RNF150: variants seen among roughly 807,000 people sequenced by gnomAD.
RNF150 encodes the protein ring finger protein 150.
In RNF150, 24 loss-of-function variants were observed where a neutral mutation model predicts 39.3. That is an observed-to-expected ratio of 0.61 (90% CI 0.44 to 0.86). RNF150 has a LOEUF of 0.86. RNF150 is among the 40% of genes least tolerant of loss of function. The pLI is 0.00. For synonymous variants in RNF150, 255 were observed against 227.3 expected (o/e 1.12, Z -1.10); for missense variants, 502 against 587.8 (o/e 0.85, Z 1.51).
chr4:140,876,523 G>A (rs933829552), intron 6 of RNF150, among the ~76,000 whole-genome samples: 8 of 152,198 alleles, frequency 5.3e-5, no homozygotes, highest in Admixed American at 2.0e-4. Context: ...TCTCTGGACC[G>A]CTTTCCTCAG....
At chr4:140,954,092 G>A (rs1053832980) in intron 2 of RNF150, among the ~76,000 whole-genome samples, 41 of 152,194 alleles carry the variant, frequency 2.7e-4, no homozygotes, top group African/African-American at 9.9e-4. Context: ...ACCACTTCAG[G>A]TGGATTGAGG....
chr4:140,887,084 G>A (rs900225963), intron 6 of RNF150, among the ~76,000 whole-genome samples: 2 of 152,122 alleles, frequency 1.3e-5, no homozygotes, highest in Non-Finnish European at 2.9e-5. Context: ...CCTGACTGGT[G>A]TAACTCAATA....
chr4:141,055,117 A>C (rs978597659), intron 1 of RNF150, among the ~76,000 whole-genome samples: 1 of 152,182 alleles, frequency 6.6e-6, no homozygotes, highest in Admixed American at 6.5e-5. Context: ...AAAGATGGAA[A>C]GGTTTGGGAA....
rs548687078 is a variant in RNF150 at position 141,047,554 on chromosome 4, A to G, written c.485-79681T>C. Among the ~76,000 whole-genome samples, 24 of 152,314 alleles carry G rather than the reference A, an allele frequency of 1.6e-4. No individual in the cohort carries two copies. In the East Asian group the frequency reaches 2.3e-3, roughly 15 times the overall value. On this transcript the variant is annotated intron_variant, in intron 1 of 6. Transcript: ENST00000515673. The stretch of plus-strand genomic sequence containing the variant: ...GGTTATAAATCATTTTACCTTGAAA[A>G]ACAGAAAATGGAGGCCAAATAAAAA...
At chr4:141,119,717 C>G (rs1726549161) in intron 1 of RNF150, among the ~76,000 whole-genome samples, 1 of 152,202 alleles carries the variant, frequency 6.6e-6, no homozygotes, top group African/African-American at 2.4e-5. Context: ...CCCACCATCC[C>G]TGAACAGAAG....
chr4:140,929,405 C>CG (rs1731530224), intron 4 of RNF150, among the ~76,000 whole-genome samples: 1 of 126,690 alleles, frequency 7.9e-6, no homozygotes, highest in Non-Finnish European at 1.6e-5. Flanking sequence ...CTTGCTCTGT[C>CG]GCCCAGGCTG....
intron 1 of RNF150, among the ~76,000 whole-genome samples, chr4:141,121,051 A>T (rs1726589607): frequency 6.6e-6 from 1 of 152,146 alleles, no homozygotes; most frequent in Non-Finnish European, 1.5e-5. Flanking sequence ...GTTTCTGTGG[A>T]CAATAATTAC....
intron 1 of RNF150, among the ~76,000 whole-genome samples, chr4:141,114,965 A>G (rs1345475050): frequency 6.6e-6 from 1 of 152,224 alleles, no homozygotes; most frequent in Non-Finnish European, 1.5e-5. Context: ...AAAACACTCA[A>G]TAAACTAGAT....
intron 4 of RNF150, among the ~76,000 whole-genome samples, chr4:140,937,635 A>G (rs966336045): frequency 2.0e-5 from 3 of 151,986 alleles, no homozygotes; most frequent in Admixed American, 6.6e-5. Flanking sequence ...AAGAAAAACA[A>G]TATTAATTGC....
At chr4:140,987,597 C>T (rs1471333394) in intron 1 of RNF150, among the ~76,000 whole-genome samples, 2 of 152,040 alleles carry the variant, frequency 1.3e-5, no homozygotes, top group Admixed American at 6.6e-5. Context: ...TTCCCATTCA[C>T]ACATACAAAA....
intron 1 of RNF150, among the ~76,000 whole-genome samples, chr4:140,976,589 C>G (rs1371843788): frequency 6.6e-6 from 1 of 151,960 alleles, no homozygotes; most frequent in Non-Finnish European, 1.5e-5. Flanking sequence ...ACGTCATTTT[C>G]CAGTGCCACT....
At chr4:141,039,608 CCTAA>C (rs1458541485) in intron 1 of RNF150, among the ~76,000 whole-genome samples, 2 of 152,052 alleles carry the variant, frequency 1.3e-5, no homozygotes, top group African/African-American at 2.4e-5. Context: ...TGCACACATC[CCTAA>C]CTGAGACAGG....
At chr4:141,170,439 T>C (rs1274354520) in intron 1 of RNF150, among the ~76,000 whole-genome samples, 2 of 152,200 alleles carry the variant, frequency 1.3e-5, no homozygotes, top group Non-Finnish European at 2.9e-5. Flanking sequence ...ATCCATTTTT[T>C]ACACAACAGA....
chr4:140,935,073 A>G (rs1221522594), intron 4 of RNF150, among the ~76,000 whole-genome samples: 6 of 86,472 alleles, frequency 6.9e-5, no homozygotes, highest in Non-Finnish European at 1.1e-4. Context: ...TATATAATAT[A>G]TATATAATAT....
At chr4:140,894,550 C>T (rs1232469209) in intron 6 of RNF150, among the ~76,000 whole-genome samples, 2 of 152,164 alleles carry the variant, frequency 1.3e-5, no homozygotes, top group Non-Finnish European at 2.9e-5. Flanking sequence ...ATATTTAAGA[C>T]AAATAACCCT....
chr4:140,899,114 A>G (rs900145213), intron 6 of RNF150, among the ~76,000 whole-genome samples: 1 of 152,164 alleles, frequency 6.6e-6, no homozygotes, highest in African/African-American at 2.4e-5. Context: ...GAGATCTAAT[A>G]GGAACATTCA....
At chr4:141,165,918 A>T (rs1348552300) in intron 1 of RNF150, among the ~76,000 whole-genome samples, 2 of 152,212 alleles carry the variant, frequency 1.3e-5, no homozygotes, top group African/African-American at 4.8e-5. Flanking sequence ...GAAATGCAAA[A>T]GCTAGCAGAA....
intron 1 of RNF150, among the ~76,000 whole-genome samples, chr4:141,179,642 G>C (rs915531161): frequency 6.6e-6 from 1 of 151,984 alleles, no homozygotes; most frequent in East Asian, 1.9e-4. Context: ...TTTGCTTCTG[G>C]ATGGCCACAG....
intron 1 of RNF150, among the ~76,000 whole-genome samples, chr4:140,995,708 A>G (rs890100010): frequency 6.6e-6 from 1 of 152,140 alleles, no homozygotes; most frequent in Non-Finnish European, 1.5e-5. Context: ...GCTTCCACAA[A>G]TGAGTGAGAA....
Sources: allele counts gnomAD v4.1 joint callset (sites outside exome capture counted in the v4.1 genomes callset), GRCh38; gene constraint gnomAD v4.1.1; transcripts MANE v1.5; gene names NCBI Gene and HGNC (gene_info 2026-07-23, HGNC 2026-07-21).